The following MGAT4C variants were observed in gnomAD, a reference collection of about 807,000 sequenced individuals.
MGAT4C encodes MGAT4 family member C, also known as alpha-1,3-mannosyl-glycoprotein 4-beta-N-acetylglucosaminyltransferase C.
MGAT4C carries 19 observed loss-of-function variants against 40.1 expected under a neutral mutation model. The ratio of observed to expected loss-of-function variants is 0.47; its 90% CI spans 0.33 to 0.70. The LOEUF (loss-of-function observed/expected upper bound fraction) is 0.70, where lower values mean the gene tolerates loss of function less well. Among genes scored for constraint, MGAT4C ranks in the 30% least tolerant of loss-of-function variants. The pLI, the probability that MGAT4C is intolerant of heterozygous loss-of-function variation, is 0.02. For missense variants in MGAT4C, 491 were observed against 563.2 expected (o/e 0.87, Z 1.30); for synonymous variants, 181 against 187.1 (o/e 0.97, Z 0.27).
intron 1 of MGAT4C, among the ~76,000 whole-genome samples, chr12:86,086,691 C>T (rs1333460835): frequency 6.6e-6 from 1 of 151,996 alleles, no homozygotes; most frequent in Non-Finnish European, 1.5e-5. Context: ...TCCAATTCCA[C>T]TCTTTTAGTT....
At chr12:86,041,437 A>G (rs1183456724) in intron 2 of MGAT4C, among the ~76,000 whole-genome samples, 1 of 151,804 alleles carries the variant, frequency 6.6e-6, no homozygotes, top group African/African-American at 2.4e-5. Flanking sequence ...AATCTTTCTA[A>G]CTTTTGATGT....
chr12:86,661,658 A>G (rs766388122), intron 2 of MGAT4C, among the ~76,000 whole-genome samples: 2 of 152,152 alleles, frequency 1.3e-5, no homozygotes, highest in African/African-American at 2.4e-5. Context: ...AATCAAACAT[A>G]AGAAGGGACT....
At chr12:86,395,453 G>A (rs1956243869) in intron 3 of MGAT4C, among the ~76,000 whole-genome samples, 1 of 152,068 alleles carries the variant, frequency 6.6e-6, no homozygotes, top group Admixed American at 6.6e-5. Context: ...CACAGAAAAT[G>A]GAAAATACAC....
intron 3 of MGAT4C, among the ~76,000 whole-genome samples, chr12:86,379,913 G>T (rs1955897432): frequency 6.6e-6 from 1 of 152,038 alleles, no homozygotes; most frequent in African/African-American, 2.4e-5. Context: ...TCAAATAAGT[G>T]ATTCACAGCA....
At chr12:86,238,760 T>A (rs1226020537) in intron 1 of MGAT4C, among the ~76,000 whole-genome samples, 7 of 152,030 alleles carry the variant, frequency 4.6e-5, no homozygotes. Context: ...AAAAGGCCAT[T>A]GAATAAGCAG....
chr12:86,726,467 A>G (rs1301237127), intron 2 of MGAT4C, among the ~76,000 whole-genome samples: 1 of 152,196 alleles, frequency 6.6e-6, no homozygotes, highest in Non-Finnish European at 1.5e-5. Flanking sequence ...ATTCACTGGC[A>G]TGAAGAAATG....
At chr12:86,632,887 A>T (rs1410791099) in intron 2 of MGAT4C, among the ~76,000 whole-genome samples, 1 of 152,036 alleles carries the variant, frequency 6.6e-6, no homozygotes, top group African/African-American at 2.4e-5. Flanking sequence ...GCAAATGTAC[A>T]CTAGAATTTA....
rs116007991 is a variant in MGAT4C at position 86,810,427 on chromosome 12, G to A, written c.-262+28239C>T. On this transcript the variant is annotated intron_variant, in intron 1 of 7. Transcript: ENST00000548651. ...CTTATTTCCAATCTCATATAGGAGA[G>A]CATTCAGTCTTTCACCATAAAGAAT... Among the ~76,000 whole-genome samples, 284 of 151,900 alleles carry A rather than the reference G, an allele frequency of 1.9e-3. 1 individual carries two copies. The highest frequency in any genetic ancestry group is 6.6e-3 in the African/African-American group (273 of 41,488).
At chr12:86,540,577 A>C (rs1959158154) in intron 2 of MGAT4C, among the ~76,000 whole-genome samples, 1 of 152,128 alleles carries the variant, frequency 6.6e-6, no homozygotes, top group African/African-American at 2.4e-5. Context: ...CTCTACTAAA[A>C]ATACAAAAAT....
chr12:86,414,488 G>T (rs1315913613), intron 3 of MGAT4C, among the ~76,000 whole-genome samples: 1 of 151,984 alleles, frequency 6.6e-6, no homozygotes, highest in African/African-American at 2.4e-5. Context: ...GGCACATATT[G>T]GTTACTTTTT....
In MGAT4C at chr12:86,427,731, C is replaced by T. The variant is rs531378797; in HGVS notation, c.-120+7426G>A. ...TTCATTCACATGGAATATTTAAAAG[C>T]TAATATAGGCTGGACGCGGTGGCTC... On this transcript the variant is annotated intron_variant, in intron 3 of 7. Transcript: ENST00000548651. Among the ~76,000 whole-genome samples, 7 of 152,238 alleles carry T rather than the reference C, an allele frequency of 4.6e-5. No homozygotes were observed. The East Asian group carries it at 1.4e-3, about 29-fold the overall frequency.
chr12:86,001,331 C>T (rs112538234), intron 2 of MGAT4C, among the ~76,000 whole-genome samples: 1 of 152,170 alleles, frequency 6.6e-6, no homozygotes, highest in Non-Finnish European at 1.5e-5. Flanking sequence ...TACTTCAATA[C>T]CCCATGGCAG....
intron 1 of MGAT4C, among the ~76,000 whole-genome samples, chr12:86,130,835 G>A (rs976258296): frequency 6.6e-6 from 1 of 151,840 alleles, no homozygotes; most frequent in African/African-American, 2.4e-5. Flanking sequence ...AAACCATATT[G>A]TATTTAGTTT....
intron 3 of MGAT4C, among the ~76,000 whole-genome samples, chr12:86,379,012 T>C (rs544179951): frequency 6.6e-6 from 1 of 152,256 alleles, no homozygotes; most frequent in South Asian, 2.1e-4. Flanking sequence ...CAAAAATGTA[T>C]ATCTAAACAT....
chr12:85,972,982 T>C lies in MGAT4C; in HGVS notation c.*6307A>G, dbSNP rs1456112862. 6.6e-6 allele frequency: 1 copy of C among 150,894 alleles called. No homozygotes were observed. The highest frequency in any genetic ancestry group is 2.4e-5 in the African/African-American group (1 of 41,328). The allele number at this position is 150,894 out of a possible 1,614,324, so 9.3% of individuals were successfully genotyped here. A position where few individuals can be genotyped will look rare whatever the true frequency, so the allele number is the denominator to read the frequency against. On this transcript the variant is annotated 3_prime_UTR_variant, in exon 5 of 5. Transcript: ENST00000611864. ...ATGTACTACCTTAAACATTTTCCAA[T>C]TGGAACATACTATAGACAAAACTGA...
intron 1 of MGAT4C, among the ~76,000 whole-genome samples, chr12:86,811,579 T>A (rs768108456): frequency 2.0e-5 from 3 of 151,202 alleles, no homozygotes; most frequent in African/African-American, 4.8e-5. Context: ...CGTCCTAAAG[T>A]GATCTGTCTG....
intron 1 of MGAT4C, among the ~76,000 whole-genome samples, chr12:86,760,678 A>T (rs539105151): frequency 1.3e-5 from 2 of 152,158 alleles, no homozygotes; most frequent in Non-Finnish European, 2.9e-5. Flanking sequence ...GCCTTAGTAG[A>T]ATGTCCAGGG....
At chr12:86,736,176 T>G (rs992081019) in intron 1 of MGAT4C, among the ~76,000 whole-genome samples, 1 of 151,834 alleles carries the variant, frequency 6.6e-6, no homozygotes, top group African/African-American at 2.4e-5. Context: ...GGTCCCCATT[T>G]TAACTCCAAA....
chr12:86,689,136 C>T (rs1950127736), intron 2 of MGAT4C, among the ~76,000 whole-genome samples: 1 of 152,178 alleles, frequency 6.6e-6, no homozygotes, highest in African/African-American at 2.4e-5. Context: ...ATCGATTCAT[C>T]TGTTGATACC....
Sources: allele counts gnomAD v4.1 joint callset (sites outside exome capture counted in the v4.1 genomes callset), GRCh38; gene constraint gnomAD v4.1.1; transcripts MANE v1.5; gene names NCBI Gene and HGNC (gene_info 2026-07-23, HGNC 2026-07-21).